The following PTPRA variants were observed in gnomAD, a reference collection of about 807,000 sequenced individuals.
PTPRA encodes receptor-type tyrosine-protein phosphatase alpha.
PTPRA carries 25 observed loss-of-function variants against 104.8 expected under a neutral mutation model. The observed-to-expected ratio is 0.24, with a 90% CI of 0.17 to 0.33. The LOEUF (loss-of-function observed/expected upper bound fraction) is 0.33, where lower values mean the gene tolerates loss of function less well. PTPRA is among the 10% of genes least tolerant of loss of function. The pLI, the probability that PTPRA is intolerant of heterozygous loss-of-function variation, is 1.00. For missense variants in PTPRA, 765 were observed against 1,015.3 expected (o/e 0.75, Z 3.35); for synonymous variants, 323 against 368.9 (o/e 0.88, Z 1.43).
At chr20:2,894,846 G>A (rs1249189112) in intron 1 of PTPRA, among the ~76,000 whole-genome samples, 3 of 151,800 alleles carry the variant, frequency 2.0e-5, no homozygotes, top group Non-Finnish European at 4.4e-5. Context: ...AATTGGCCAG[G>A]CGTGGTGACG....
At chr20:2,872,918 G>A (rs1266731503), upstream of PTPRA, among the ~76,000 whole-genome samples, 4 of 152,236 alleles carry the variant, frequency 2.6e-5, no homozygotes, top group African/African-American at 9.6e-5. The surrounding 1 kb of genome is among the most constrained non-coding windows in gnomAD (Gnocchi z 7.9). Context: ...GAAAGCGGGG[G>A]AGATTACCCT....
Position 2,995,984 on chromosome 20 carries a change from CT to C in PTPRA, c.738+7513del, listed in dbSNP as rs544939563. On this transcript the variant is annotated intron_variant, in intron 9 of 23. Transcript: ENST00000399903. ...AGCTATGAACTGTGAGCAGCTTGCT[CT>C]TTCCCATCCTGGCAATTGGTTGTCA... Among the ~76,000 whole-genome samples, 97 of 152,342 alleles carry C rather than the reference CT, an allele frequency of 6.4e-4. No homozygotes were observed. In the South Asian group the frequency reaches 0.02, roughly 31 times the overall value.
At position 2,911,185 on chromosome 20, in the gene PTPRA, C is replaced by T. The variant is rs564295536; in HGVS notation, c.-128-12022C>T. Among the ~76,000 whole-genome samples, 10 of 151,974 alleles carry T rather than the reference C, an allele frequency of 6.6e-5. No individual in the cohort carries two copies. In the South Asian group the frequency reaches 2.1e-3, roughly 32 times the overall value. On this transcript the variant is annotated intron_variant, in intron 1 of 23. Transcript: ENST00000399903. ...GATCAAACTCTTCCTTAAAATAGTT[C>T]TGCTTTTGGTAGGATTCCAGATTTT...
intron 20 of PTPRA, among the ~76,000 whole-genome samples, chr20:3,031,429 A>G (rs2065449566): frequency 6.6e-6 from 1 of 151,712 alleles, no homozygotes; most frequent in Non-Finnish European, 1.5e-5. Flanking sequence ...TCCCTCACCC[A>G]CTGATGACTT....
intron 2 of PTPRA, among the ~76,000 whole-genome samples, chr20:2,929,295 G>A (rs1157803345): frequency 6.6e-5 from 10 of 152,058 alleles, no homozygotes; most frequent in East Asian, 3.9e-4. Flanking sequence ...TCTTCTCCCC[G>A]CTTTCTTTTC....
At chr20:2,951,487 C>T (rs989765773) in intron 3 of PTPRA, among the ~76,000 whole-genome samples, 45 of 152,136 alleles carry the variant, frequency 3.0e-4, no homozygotes, top group Admixed American at 2.9e-3. Flanking sequence ...TCCTTTATGT[C>T]GCTCTCATAG....
At chr20:2,952,698 A>G (rs531229412) in intron 3 of PTPRA, among the ~76,000 whole-genome samples, 3 of 152,278 alleles carry the variant, frequency 2.0e-5, no homozygotes, top group African/African-American at 7.2e-5. Flanking sequence ...GAAATTCTGT[A>G]CCCATTTAAA....
intron 16 of PTPRA, among the ~76,000 whole-genome samples, chr20:3,023,070 G>T (rs191031913): frequency 6.6e-6 from 1 of 152,198 alleles, no homozygotes. Flanking sequence ...TGTAACCCTA[G>T]CCCCAACCCT....
At chr20:2,880,298 A>G (rs2089975989) in intron 1 of PTPRA, among the ~76,000 whole-genome samples, 1 of 152,260 alleles carries the variant, frequency 6.6e-6, no homozygotes, top group Non-Finnish European at 1.5e-5. Flanking sequence ...AAGATAAAAC[A>G]TTTAATTTAG....
intron 1 of PTPRA, among the ~76,000 whole-genome samples, chr20:2,874,927 A>G (rs1204963150): frequency 1.3e-5 from 2 of 151,754 alleles, no homozygotes; most frequent in Admixed American, 1.3e-4. Context: ...ACATGTTGGG[A>G]TGTTTTTGTT....
chr20:2,958,955 A>G (rs1172434363), intron 3 of PTPRA, among the ~76,000 whole-genome samples: 3 of 152,084 alleles, frequency 2.0e-5, no homozygotes, highest in African/African-American at 7.2e-5. Flanking sequence ...TACTTCCTGA[A>G]ATGGAGCTCT....
chr20:2,920,746 G>A (rs570293836), intron 1 of PTPRA, among the ~76,000 whole-genome samples: 38 of 151,812 alleles, frequency 2.5e-4, no homozygotes, highest in African/African-American at 9.2e-4. Context: ...AGGTGGGAGA[G>A]TATGAACTAT....
chr20:2,998,033 G>A (rs765739094), intron 9 of PTPRA, among the ~76,000 whole-genome samples: 12 of 152,264 alleles, frequency 7.9e-5, no homozygotes, highest in African/African-American at 2.6e-4. Context: ...GGGGGCTGAG[G>A]TGGGAGAATC....
At chr20:2,983,568 CAAAAAAAA>C (rs58694839) in intron 6 of PTPRA, among the ~76,000 whole-genome samples, 11 of 93,418 alleles carry the variant, frequency 1.2e-4, no homozygotes, top group African/African-American at 4.5e-4. Context: ...AAAAAAAATG[CAAAAAAAA>C]AAAAAAAAAA....
intron 1 of PTPRA, among the ~76,000 whole-genome samples, chr20:2,886,715 G>A (rs574785800): frequency 6.6e-6 from 1 of 151,330 alleles, no homozygotes; most frequent in African/African-American, 2.4e-5. Flanking sequence ...AATTAGCCTG[G>A]CATGGTGGTG....
At position 3,036,090 on chromosome 20, in the gene PTPRA, T is replaced by G. The variant is rs569749625; in HGVS notation, c.2198+149T>G. 7 of 1,417,974 alleles carry G rather than the reference T, an allele frequency of 4.9e-6. No homozygotes were observed. In the Admixed American group the frequency reaches 1.7e-4, roughly 35 times the overall value. 87.8% of individuals were successfully genotyped at this position (1,417,974 alleles called of 1,614,324 possible). ...AGTTGAGATTGATGCCAAGACAGGATTGGATGCTAAGAGAGAGGACCTTGG... is the reference window on the plus strand; with the variant it reads ...AGTTGAGATTGATGCCAAGACAGGAGTGGATGCTAAGAGAGAGGACCTTGG... On this transcript the variant is annotated intron_variant, in intron 22 of 23. Coordinates refer to ENST00000399903, the MANE Select transcript of PTPRA (RefSeq NM_001385305.1).
intron 1 of PTPRA, among the ~76,000 whole-genome samples, chr20:2,910,049 ATATC>A (rs1465928391): frequency 8.1e-6 from 1 of 123,620 alleles, no homozygotes; most frequent in South Asian, 2.3e-4. Flanking sequence ...TATATAATAT[ATATC>A]ATATCATATA....
At chr20:2,881,753 C>T (rs1420769789) in intron 1 of PTPRA, among the ~76,000 whole-genome samples, 2 of 152,170 alleles carry the variant, frequency 1.3e-5, no homozygotes, top group African/African-American at 4.8e-5. Context: ...GTAATCCCAG[C>T]ACTTTGGGAG....
At chr20:2,966,897 T>C (rs979741782) in intron 5 of PTPRA, among the ~76,000 whole-genome samples, 1 of 152,188 alleles carries the variant, frequency 6.6e-6, no homozygotes, top group Non-Finnish European at 1.5e-5. Context: ...CAACATAAAA[T>C]GTTGGGTTGT....
Sources: allele counts gnomAD v4.1 joint callset (sites outside exome capture counted in the v4.1 genomes callset), GRCh38; gene constraint gnomAD v4.1.1; non-coding constraint Gnocchi (gnomAD v3.1); transcripts MANE v1.5; gene names NCBI Gene and HGNC (gene_info 2026-07-23, HGNC 2026-07-21).